Variants in PARD3 observed in about 807,000 individuals in gnomAD.
The protein encoded by PARD3 is partitioning defective 3 homolog.
A neutral mutation model predicts 155.4 loss-of-function variants in PARD3; 75 were observed. That is an observed-to-expected ratio of 0.48 (90% CI 0.40 to 0.58). The LOEUF is 0.58. Among genes scored for constraint, PARD3 ranks in the 20% least tolerant of loss-of-function variants. The pLI, the probability that PARD3 is intolerant of heterozygous loss-of-function variation, is 0.00. For missense variants in PARD3, 1,642 were observed against 1,721.7 expected (o/e 0.95, Z 0.82); for synonymous variants, 576 against 610.5 (o/e 0.94, Z 0.83).
At chr10:34,136,423 T>C (rs1239305691) in intron 22 of PARD3, among the ~76,000 whole-genome samples, 1 of 152,192 alleles carries the variant, frequency 6.6e-6, no homozygotes, top group Admixed American at 6.5e-5. Context: ...TTTTTAATTA[T>C]GCAAAAGGAA....
intron 22 of PARD3, among the ~76,000 whole-genome samples, chr10:34,225,005 A>G (rs2133505102): frequency 6.6e-6 from 1 of 152,264 alleles, no homozygotes; most frequent in Admixed American, 6.5e-5. Context: ...TAAATTTTGA[A>G]AGAGAGACAG....
intron 3 of PARD3, among the ~76,000 whole-genome samples, chr10:34,481,863 T>C (rs1379105267): frequency 2.0e-5 from 3 of 151,816 alleles, no homozygotes; most frequent in Non-Finnish European, 4.4e-5. Context: ...GACAGGGTCT[T>C]GCTCTGTCTC....
intron 4 of PARD3, among the ~76,000 whole-genome samples, chr10:34,468,754 T>C (rs926280247): frequency 2.0e-5 from 3 of 152,212 alleles, no homozygotes; most frequent in South Asian, 2.1e-4. Context: ...ACCTATGTTT[T>C]CCATGTACTT....
At chr10:34,373,864 G>T (rs1463479969) in intron 11 of PARD3, among the ~76,000 whole-genome samples, 3 of 151,698 alleles carry the variant, frequency 2.0e-5, no homozygotes, top group Non-Finnish European at 4.4e-5. Flanking sequence ...TTTATATAGA[G>T]AATAAAATAT....
At chr10:34,313,572 T>G (rs112920770) in intron 20 of PARD3, among the ~76,000 whole-genome samples, 62 of 152,320 alleles carry the variant, frequency 4.1e-4, no homozygotes, top group African/African-American at 9.9e-4. Flanking sequence ...GTGACTACCA[T>G]TCAATGTGTC....
intron 21 of PARD3, among the ~76,000 whole-genome samples, chr10:34,274,603 C>T (rs1303220318): frequency 6.6e-6 from 1 of 152,144 alleles, no homozygotes; most frequent in Non-Finnish European, 1.5e-5. Flanking sequence ...TAGGCATTCA[C>T]ATAAGTCTTG....
chr10:34,222,877 C>T (rs1347876329), intron 22 of PARD3, among the ~76,000 whole-genome samples: 8 of 152,244 alleles, frequency 5.3e-5, no homozygotes, highest in African/African-American at 1.9e-4. Flanking sequence ...ACTCAGGACA[C>T]TCTCTGCTCC....
At chr10:34,113,577 G>T (rs1032451757) in intron 24 of PARD3, among the ~76,000 whole-genome samples, 36 of 151,926 alleles carry the variant, frequency 2.4e-4, no homozygotes, top group Non-Finnish European at 2.6e-4. Context: ...GAAGTTAGCA[G>T]TATCTATATG....
intron 2 of PARD3, among the ~76,000 whole-genome samples, chr10:34,645,497 T>C (rs1193472317): frequency 1.3e-5 from 2 of 152,208 alleles, no homozygotes; most frequent in Non-Finnish European, 2.9e-5. Flanking sequence ...TGATCCACTG[T>C]GCCTGGCCAA....
intron 2 of PARD3, among the ~76,000 whole-genome samples, chr10:34,668,178 A>G (rs1393635710): frequency 6.6e-6 from 1 of 152,228 alleles, no homozygotes; most frequent in African/African-American, 2.4e-5. Flanking sequence ...GAAAACCATC[A>G]AGACTCCAGG....
At chr10:34,535,499 C>CT (rs929246120) in intron 2 of PARD3, among the ~76,000 whole-genome samples, 8 of 152,062 alleles carry the variant, frequency 5.3e-5, no homozygotes, top group South Asian at 2.1e-4. Flanking sequence ...GGTTTTGTTT[C>CT]TTTTTTTGAG....
intron 19 of PARD3, among the ~76,000 whole-genome samples, chr10:34,323,132 C>A (rs543327916): frequency 6.6e-6 from 1 of 152,088 alleles, no homozygotes; most frequent in African/African-American, 2.4e-5. Flanking sequence ...GAATCAAGAA[C>A]GCTGGGGACA....
intron 2 of PARD3, among the ~76,000 whole-genome samples, chr10:34,609,671 T>C (rs1415679388): frequency 6.6e-6 from 1 of 152,190 alleles, no homozygotes; most frequent in South Asian, 2.1e-4. Context: ...GCCTCCATAG[T>C]AGCTAGGGCT....
In PARD3 at chr10:34,662,539, C is replaced by G. The variant is rs936215449; in HGVS notation, c.222+33779G>C. ...CAACAGATGAATGAATAAAGAAAATCTGGTACATACACACAATGGAGTACT... is the reference window on the plus strand; with the variant it reads ...CAACAGATGAATGAATAAAGAAAATGTGGTACATACACACAATGGAGTACT... On this transcript the variant is annotated intron_variant, in intron 2 of 24. Transcript: ENST00000374788. Among the ~76,000 whole-genome samples, 3 of 152,090 alleles carry G rather than the reference C, an allele frequency of 2.0e-5. No homozygotes were observed. In the East Asian group the frequency reaches 5.8e-4, roughly 29 times the overall value.
At chr10:34,613,895 G>A (rs2091077739) in intron 2 of PARD3, among the ~76,000 whole-genome samples, 1 of 152,068 alleles carries the variant, frequency 6.6e-6, no homozygotes, top group Non-Finnish European at 1.5e-5. Context: ...CACAAGCTAC[G>A]AATTTATCAT....
At chr10:34,814,844 C>G in intron 1 of PARD3, 32 bp downstream of exon 1, 2 of 1,297,916 alleles carry the variant, frequency 1.5e-6, no homozygotes, top group Non-Finnish European at 2.1e-6. Context: ...CCCGCCGCCG[C>G]CCCCTCCCCG....
intron 22 of PARD3, among the ~76,000 whole-genome samples, chr10:34,235,617 C>T (rs946590197): frequency 5.3e-5 from 8 of 152,266 alleles, no homozygotes; most frequent in African/African-American, 1.9e-4. Context: ...GTTCTAATGA[C>T]TGACATAAAC....
chr10:34,375,161 G>T (rs1442027113), intron 10 of PARD3, among the ~76,000 whole-genome samples, 159 bp from the exon 11 acceptor site: 1 of 151,764 alleles, frequency 6.6e-6, no homozygotes, highest in Non-Finnish European at 1.5e-5. Flanking sequence ...CATGATCTGG[G>T]AACCACTAAG....
rs370705203 is a variant in PARD3 at position 34,353,850 on chromosome 10, A to C, written c.2067+5297T>G. Among the ~76,000 whole-genome samples the C allele has an allele frequency of 1.8e-3, 279 of 152,054 alleles. 2 individuals carry two copies. The highest frequency in any genetic ancestry group is 6.4e-3 in the African/African-American group (264 of 41,562). On this transcript the variant is annotated intron_variant, in intron 14 of 24. Transcript: ENST00000374788. ...TATTCCAAAACTGAAACGATGGAAA[A>C]GAATGCAGGGACTCAGTTTTTCTCT... is the stretch of plus-strand genomic sequence containing the variant.
Sources: allele counts gnomAD v4.1 joint callset (sites outside exome capture counted in the v4.1 genomes callset), GRCh38; gene constraint gnomAD v4.1.1; transcripts MANE v1.5; gene names NCBI Gene and HGNC (gene_info 2026-07-23, HGNC 2026-07-21).